IL1RAPL2: variants seen among roughly 807,000 people sequenced by gnomAD.
IL1RAPL2 encodes the protein X-linked interleukin-1 receptor accessory protein-like 2.
Under a neutral mutation model 44.1 loss-of-function variants are expected in IL1RAPL2, and 3 were observed. The observed-to-expected ratio is 0.07, with a 90% CI of 0.03 to 0.18. The LOEUF is 0.18. Among genes scored for constraint, IL1RAPL2 ranks in the 10% least tolerant of loss-of-function variants. The probability of loss-of-function intolerance (pLI) is 1.00; values close to 1 mark genes in which losing one functional copy is unlikely to be tolerated. For synonymous variants in IL1RAPL2, 181 were observed against 178.8 expected (o/e 1.01, Z -0.10); for missense variants, 391 against 496.4 (o/e 0.79, Z 2.02).
At chrX:104,579,609 T>C (rs1183190005) in intron 1 of IL1RAPL2, among the ~76,000 whole-genome samples, 1 of 110,594 alleles carries the variant, frequency 9.0e-6, no homozygotes, top group African/African-American at 3.3e-5. Flanking sequence ...TACTTGAGGG[T>C]GGAGGGTGGG....
At chrX:105,756,966 T>C (rs7885812) in intron 10 of IL1RAPL2, among the ~76,000 whole-genome samples, 73 of 111,251 alleles carry the variant, frequency 6.6e-4, no homozygotes, top group Non-Finnish European at 1.1e-3. Flanking sequence ...TTATCTTTCC[T>C]CCCATCCATT....
At chrX:104,851,105 G>A (rs1311069221) in intron 2 of IL1RAPL2, among the ~76,000 whole-genome samples, 1 of 110,605 alleles carries the variant, frequency 9.0e-6, no homozygotes, top group Non-Finnish European at 1.9e-5. Flanking sequence ...CGATGGCGTC[G>A]ACTACCCTAC....
At chrX:105,361,800 A>G (rs1329432499) in intron 5 of IL1RAPL2, among the ~76,000 whole-genome samples, 5 of 111,960 alleles carry the variant, frequency 4.5e-5, no homozygotes, top group Non-Finnish European at 9.4e-5. Flanking sequence ...CTTAATTTCA[A>G]GTCTATGTAG....
chrX:104,936,136 C>T (rs953735972), intron 2 of IL1RAPL2, among the ~76,000 whole-genome samples: 1 of 111,628 alleles, frequency 9.0e-6, no homozygotes, highest in East Asian at 2.8e-4. Flanking sequence ...TTCAAAAGCA[C>T]CATTACCTGT....
intron 5 of IL1RAPL2, among the ~76,000 whole-genome samples, chrX:105,405,386 A>G (rs1381339920): frequency 1.8e-5 from 2 of 112,242 alleles, no homozygotes; most frequent in Non-Finnish European, 3.8e-5. Context: ...TCTTGCATTA[A>G]CATCCTATAA....
intron 5 of IL1RAPL2, among the ~76,000 whole-genome samples, chrX:105,428,711 TCTG>T (rs1377802645): frequency 5.4e-5 from 6 of 112,080 alleles, no homozygotes; most frequent in African/African-American, 1.9e-4. Context: ...AGTTTGCTGA[TCTG>T]GATGCTTTGA....
intron 6 of IL1RAPL2, among the ~76,000 whole-genome samples, chrX:105,670,941 ATAATATT>A (rs1420816418): frequency 4.7e-5 from 5 of 106,829 alleles, no homozygotes; most frequent in African/African-American, 1.7e-4. Flanking sequence ...TATATAATAT[ATAATATT>A]TATTATTTAT....
At chrX:105,724,891 G>A (rs768051946) in intron 7 of IL1RAPL2, among the ~76,000 whole-genome samples, 2 of 111,054 alleles carry the variant, frequency 1.8e-5, no homozygotes, top group Non-Finnish European at 3.8e-5. Context: ...GAGAGTACCC[G>A]CACAATGTCC....
chrX:105,654,304 G>C lies in IL1RAPL2; in HGVS notation c.773-63063G>C, dbSNP rs1280744289. 2.7e-5 allele frequency among the ~76,000 whole-genome samples: 3 copies of C among 110,928 alleles called. No individual in the cohort carries two copies. In the Admixed American group the frequency reaches 2.9e-4, roughly 11 times the overall value. ...CCTCTACCCAAATGGAGGAATAAGA[G>C]CTAATTTTTCTTTTAGGCCACTTAG... On this transcript the variant is annotated intron_variant, in intron 6 of 10. Coordinates refer to ENST00000372582, the MANE Select transcript of IL1RAPL2 (RefSeq NM_017416.2).
chrX:105,173,352 G>A (rs915092235), intron 2 of IL1RAPL2, among the ~76,000 whole-genome samples: 2 of 111,990 alleles, frequency 1.8e-5, no homozygotes, highest in African/African-American at 3.2e-5. Flanking sequence ...GGAGCAATGC[G>A]GAAGCCAACA....
At position 105,767,589 on chromosome X, in the gene IL1RAPL2, G is replaced by C; in HGVS notation, c.1989G>C (p.Gln663His). 2.5e-6 allele frequency: 3 copies of C among 1,210,713 alleles called. No individual in the cohort carries two copies. The highest frequency in any genetic ancestry group is 3.4e-6 in the Non-Finnish European group (3 of 894,748). The part of the protein sequence containing the change: ...LPLNNTLKDT[Q>H]EFHRNSSLLP... ...TTAATAACACCCTGAAAGATACCCA[G>C]GAATTTCACAGGAACAGTTCTTTGC... The change falls in exon 11 of 11, where the codon CAG becomes CAC. Residue 663 changes from glutamine to histidine, a missense_variant. Gln to His is a conservative substitution (Grantham distance 24). Coordinates refer to ENST00000372582, the MANE Select transcript of IL1RAPL2 (RefSeq NM_017416.2).
At chrX:104,579,894 T>G (rs1257258185) in intron 1 of IL1RAPL2, among the ~76,000 whole-genome samples, 3 of 110,999 alleles carry the variant, frequency 2.7e-5, no homozygotes, top group African/African-American at 9.8e-5. Context: ...TTTTAACCAC[T>G]TTTCTCAAAC....
At chrX:104,903,565 G>A (rs902204114) in intron 2 of IL1RAPL2, among the ~76,000 whole-genome samples, 6 of 111,060 alleles carry the variant, frequency 5.4e-5, no homozygotes, top group Admixed American at 9.6e-5. Flanking sequence ...TTGTAGTATT[G>A]CTATTTTATT....
intron 2 of IL1RAPL2, among the ~76,000 whole-genome samples, chrX:105,029,951 G>C (rs996684117): frequency 9.0e-6 from 1 of 111,628 alleles, no homozygotes; most frequent in Non-Finnish European, 1.9e-5. Context: ...ATTCCAACTG[G>C]TGTGAGATGG....
intron 1 of IL1RAPL2, among the ~76,000 whole-genome samples, chrX:104,657,630 AT>A (rs1213772329): frequency 8.9e-6 from 1 of 111,939 alleles, no homozygotes; most frequent in Non-Finnish European, 1.9e-5. Flanking sequence ...AGGGGATCTA[AT>A]TAAACTAAAG....
chrX:105,746,186 T>C (rs2038540462), intron 8 of IL1RAPL2, among the ~76,000 whole-genome samples: 2 of 111,850 alleles, frequency 1.8e-5, no homozygotes, highest in South Asian at 7.4e-4. Context: ...CATTCTATAA[T>C]GTCTGATCTT....
At chrX:105,513,444 T>C (rs1000599159) in intron 6 of IL1RAPL2, among the ~76,000 whole-genome samples, 1 of 111,749 alleles carries the variant, frequency 8.9e-6, no homozygotes, top group Non-Finnish European at 1.9e-5. Flanking sequence ...TTTCCTGACT[T>C]TTTAATGATC....
intron 6 of IL1RAPL2, among the ~76,000 whole-genome samples, chrX:105,509,897 C>T (rs1392321715): frequency 9.0e-6 from 1 of 111,525 alleles, no homozygotes; most frequent in Non-Finnish European, 1.9e-5. Flanking sequence ...TGCAGCCAGG[C>T]ATGGTGGTTC....
At chrX:105,025,827 G>A (rs891371609) in intron 2 of IL1RAPL2, among the ~76,000 whole-genome samples, 1 of 111,354 alleles carries the variant, frequency 9.0e-6, no homozygotes, top group African/African-American at 3.3e-5. Flanking sequence ...TGTTGTTTAA[G>A]TAACTGCAGC....
Sources: gnomAD v4.1 joint callset for allele counts (sites outside exome capture counted in the v4.1 genomes callset) on GRCh38, gnomAD v4.1.1 for gene constraint, MANE v1.5 for transcripts, NCBI Gene and HGNC (gene_info 2026-07-23, HGNC 2026-07-21) for gene names.